The following TVP23A variants were observed in gnomAD, a reference collection of about 807,000 sequenced individuals.
TVP23A encodes the protein Golgi apparatus membrane protein TVP23 homolog A.
TVP23A carries 21 observed loss-of-function variants against 31.7 expected under a neutral mutation model. The ratio of observed to expected loss-of-function variants is 0.66; its 90% CI spans 0.47 to 0.95. The LOEUF (loss-of-function observed/expected upper bound fraction) is 0.95. Among genes scored for constraint, TVP23A ranks in the 40% least tolerant of loss-of-function variants. The probability of loss-of-function intolerance (pLI) is 0.00; values close to 1 mark genes in which losing one functional copy is unlikely to be tolerated. For synonymous variants in TVP23A, 104 were observed against 96.0 expected, an observed-to-expected ratio of 1.08 and a Z score of -0.49; for missense variants, 279 against 255.6, an observed-to-expected ratio of 1.09 and a Z score of -0.62.
chr16:10,760,350 C>A (rs926236964), downstream of TVP23A, among the ~76,000 whole-genome samples: 1 of 152,240 alleles, frequency 6.6e-6, no homozygotes, highest in Non-Finnish European at 1.5e-5. Flanking sequence ...CAGCCAGATT[C>A]AGCCCCCAGG....
chr16:10,817,005 A>T lies in TVP23A; in HGVS notation c.89+1098T>A, dbSNP rs2143011678. 1.3e-5 allele frequency among the ~76,000 whole-genome samples: 2 copies of T among 152,150 alleles called. 1 individual carries two copies. Among genetic ancestry groups the T allele is most frequent in the South Asian group, 4.2e-4 (2 of 4,816 alleles). ...CAGAGAGAGATGTGAACATGCTATAACACTGGCCTTGAAGACGGAGGAACA... is the reference window on the plus strand; with the variant it reads ...CAGAGAGAGATGTGAACATGCTATATCACTGGCCTTGAAGACGGAGGAACA... On this transcript the variant is annotated intron_variant, in intron 2 of 7. Coordinates refer to ENST00000299866, the MANE Select transcript of TVP23A (RefSeq NM_001079512.4).
At chr16:10,794,575 T>A (rs570031406) in intron 2 of TVP23A, among the ~76,000 whole-genome samples, 1 of 152,280 alleles carries the variant, frequency 6.6e-6, no homozygotes, top group East Asian at 1.9e-4. Flanking sequence ...CATTGTGCTA[T>A]TTTACAGATG....
chr16:10,812,799 T>C lies in TVP23A; in HGVS notation c.89+5304A>G, dbSNP rs76471007. On this transcript the variant is annotated intron_variant, in intron 2 of 7. Transcript: ENST00000299866. The stretch of plus-strand genomic sequence containing the variant: ...TCAGTTTTGCAAGATGAAAACACTC[T>C]GTTTCACAACGTGACTATACTTGAA... Among the ~76,000 whole-genome samples the C allele has an allele frequency of 3.2e-3, 480 of 152,294 alleles. 3 individuals carry two copies. Among genetic ancestry groups the C allele is most frequent in the African/African-American group, 0.011 (469 of 41,566 alleles).
Position 10,777,488 on chromosome 16 carries a change from CAAG to C in TVP23A, c.90-2395_90-2393del, listed in dbSNP as rs1442297911. 6.6e-6 allele frequency among the ~76,000 whole-genome samples: 1 copy of C among 152,110 alleles called. No individual in the cohort carries two copies. The highest frequency in any genetic ancestry group is 1.5e-5 in the Non-Finnish European group (1 of 68,020). ...GGGGAAAGCGCCTGCTCATTCTCCC[CAAG>C]AAGAAACGGAGTCCGAGTCAACAAA... On this transcript the variant is annotated intron_variant, in intron 2 of 7. Coordinates refer to ENST00000299866, the MANE Select transcript of TVP23A (RefSeq NM_001079512.4). This position sits in a 1 kb window ranked among gnomAD's most constrained non-coding sequence, Gnocchi z 4.5.
chr16:10,758,034 G>A (rs762823254), downstream of TVP23A: 25 of 1,610,908 alleles, frequency 1.6e-5, no homozygotes, highest in Admixed American at 3.3e-5. Flanking sequence ...CCAGGTGAGC[G>A]AGCTGCCAGC....
chr16:10,765,447 GC>G (rs1045056193), downstream of TVP23A, among the ~76,000 whole-genome samples: 102 of 152,054 alleles, frequency 6.7e-4, no homozygotes, highest in African/African-American at 2.3e-3. The surrounding 1 kb of genome is among the most constrained non-coding windows in gnomAD (Gnocchi z 4.0). Context: ...GGTTGAGGTT[GC>G]AGTGAGCCAT....
intron 5 of TVP23A, among the ~76,000 whole-genome samples, chr16:10,772,289 G>C (rs1272902928): frequency 6.6e-6 from 1 of 152,170 alleles, no homozygotes; most frequent in African/African-American, 2.4e-5. Flanking sequence ...GAGCGTGGTC[G>C]AGCCGGGATC....
In TVP23A at chr16:10,779,177, G is replaced by A. The variant is rs2032269790; in HGVS notation, c.90-4081C>T. 6.6e-6 allele frequency among the ~76,000 whole-genome samples: 1 copy of A among 152,152 alleles called. No homozygotes were observed. Among genetic ancestry groups the A allele is most frequent in the Non-Finnish European group, 1.5e-5 (1 of 68,034 alleles). ...GGCCCTGATTAACTCAATGGAAAGTGGTGTTACTCAAACAGAGTTCAAAGC... is the reference window on the plus strand; with the variant it reads ...GGCCCTGATTAACTCAATGGAAAGTAGTGTTACTCAAACAGAGTTCAAAGC... On this transcript the variant is annotated intron_variant, in intron 2 of 7. Transcript: ENST00000299866. This position sits in a 1 kb window ranked among gnomAD's most constrained non-coding sequence, Gnocchi z 4.9.
chr16:10,809,836 C>T (rs910378618), intron 2 of TVP23A, among the ~76,000 whole-genome samples: 4 of 152,138 alleles, frequency 2.6e-5, no homozygotes, highest in African/African-American at 9.7e-5. Context: ...CAACACAGCA[C>T]GGCTAAAACA....
At chr16:10,796,317 G>A (rs1050256166) in intron 2 of TVP23A, among the ~76,000 whole-genome samples, 4 of 151,966 alleles carry the variant, frequency 2.6e-5, no homozygotes, top group African/African-American at 7.3e-5. Context: ...CTCCAGCCTG[G>A]GCAACAGAGC....
Position 10,818,003 on chromosome 16 carries a change from G to T in TVP23A, c.89+100C>A. 1 of 1,041,060 alleles carries T rather than the reference G, an allele frequency of 9.6e-7. No homozygotes were observed. Among genetic ancestry groups the T allele is most frequent in the Non-Finnish European group, 1.5e-6 (1 of 688,342 alleles). The allele number at this position is 1,041,060 out of a possible 1,614,324, so 64.5% of individuals were successfully genotyped here. On this transcript the variant is annotated intron_variant, in intron 2 of 7. Coordinates refer to ENST00000299866, the MANE Select transcript of TVP23A (RefSeq NM_001079512.4). This position sits in a 1 kb window ranked among gnomAD's most constrained non-coding sequence, Gnocchi z 4.7. ...AGATATGTCCCCAGCCCCAGACCTGGCACACAGTAGGTGCTCAATATATTT... is the reference window on the plus strand; with the variant it reads ...AGATATGTCCCCAGCCCCAGACCTGTCACACAGTAGGTGCTCAATATATTT...
At chr16:10,792,663 G>T (rs1276065161) in intron 2 of TVP23A, among the ~76,000 whole-genome samples, 1 of 152,256 alleles carries the variant, frequency 6.6e-6, no homozygotes, top group Non-Finnish European at 1.5e-5. Flanking sequence ...GGAACGCCGT[G>T]GGGCCTGCAC....
intron 2 of TVP23A, among the ~76,000 whole-genome samples, chr16:10,803,893 G>A (rs781641115): frequency 6.6e-6 from 1 of 152,054 alleles, no homozygotes; most frequent in African/African-American, 2.4e-5. Context: ...ATTAGACAGT[G>A]GTGATGGGTG....
At chr16:10,812,163 A>G (rs2034235013) in intron 2 of TVP23A, among the ~76,000 whole-genome samples, 2 of 151,508 alleles carry the variant, frequency 1.3e-5, no homozygotes, top group African/African-American at 4.9e-5. Flanking sequence ...GCTCAGCAGC[A>G]TCATTAACCA....
chr16:10,799,163 C>G (rs2142996286), intron 2 of TVP23A, among the ~76,000 whole-genome samples: 2 of 152,336 alleles, frequency 1.3e-5, no homozygotes, highest in Non-Finnish European at 2.9e-5. Context: ...TGAGCAACCT[C>G]TGACTACAAC....
chr16:10,798,639 G>A (rs1048811438), intron 2 of TVP23A, among the ~76,000 whole-genome samples: 4 of 150,020 alleles, frequency 2.7e-5, no homozygotes, highest in Non-Finnish European at 4.4e-5. Context: ...GGTTATCAAC[G>A]ACATGGCAGC....
chr16:10,763,137 T>G (rs889652278), downstream of TVP23A, among the ~76,000 whole-genome samples: 2 of 148,640 alleles, frequency 1.3e-5, no homozygotes, highest in Non-Finnish European at 3.0e-5. Context: ...GAAGCAGGGG[T>G]GGTAGAGGGA....
downstream of TVP23A, among the ~76,000 whole-genome samples, chr16:10,759,239 C>G (rs897221738): frequency 3.3e-5 from 5 of 152,186 alleles, no homozygotes; most frequent in African/African-American, 1.2e-4. The surrounding 1 kb of genome is among the most constrained non-coding windows in gnomAD (Gnocchi z 4.7). Flanking sequence ...GTGCTGGACA[C>G]AGGGATGAGG....
At chr16:10,801,387 G>C (rs552945623) in intron 2 of TVP23A, among the ~76,000 whole-genome samples, 12 of 152,274 alleles carry the variant, frequency 7.9e-5, no homozygotes, top group African/African-American at 2.9e-4. Context: ...CTCCAAAAAT[G>C]TCCATGTCAT....
Sources: gnomAD v4.1 joint callset for allele counts (sites outside exome capture counted in the v4.1 genomes callset) on GRCh38, gnomAD v4.1.1 for gene constraint, Gnocchi (gnomAD v3.1) non-coding constraint, MANE v1.5 for transcripts, NCBI Gene and HGNC (gene_info 2026-07-23, HGNC 2026-07-21) for gene names.